Variants in EPHA3 observed in about 807,000 individuals in gnomAD.
EPHA3 encodes the protein EPH receptor A3, also known as ephrin type-A receptor 3.
Under a neutral mutation model 107.1 loss-of-function variants are expected in EPHA3, and 42 were observed. The observed-to-expected ratio is 0.39, with a 90% CI of 0.31 to 0.51. The LOEUF is 0.51. Ranked by LOEUF, EPHA3 falls within the 20% of genes least tolerant of loss-of-function variation. The pLI, the probability that EPHA3 is intolerant of heterozygous loss-of-function variation, is 0.78. For missense variants in EPHA3, 1,183 were observed against 1,211.2 expected (o/e 0.98, Z 0.35); for synonymous variants, 461 against 424.8 (o/e 1.09, Z -1.05).
rs1181226474 is a variant in EPHA3, at chr3:89,357,408, A to T, written c.1306+15318A>T. On this transcript the variant is annotated intron_variant, in intron 5 of 16. Coordinates refer to ENST00000336596, the MANE Select transcript of EPHA3 (RefSeq NM_005233.6). ...ACTGTAATTCCAAGATGAGAATGTC[A>T]GATGACCCCAAAATTAATTGTGCAT... is the stretch of plus-strand genomic sequence containing the variant. Among the ~76,000 whole-genome samples the T allele has an allele frequency of 3.8e-4, 58 of 151,052 alleles. 3 individuals are homozygous for T. The Admixed American group carries it at 3.9e-3, about 10-fold the overall frequency.
At chr3:89,251,142 C>A (rs1482605136) in intron 3 of EPHA3, among the ~76,000 whole-genome samples, 1 of 152,026 alleles carries the variant, frequency 6.6e-6, no homozygotes, top group East Asian at 1.9e-4. Flanking sequence ...GGTTTAATAA[C>A]CAATGTTCTT....
intron 5 of EPHA3, among the ~76,000 whole-genome samples, chr3:89,358,329 A>G (rs1708011251): frequency 6.6e-6 from 1 of 151,066 alleles, no homozygotes; most frequent in Admixed American, 6.6e-5. Flanking sequence ...AACATTTGGA[A>G]CATTTAGCAG....
At chr3:89,316,654 C>T (rs1160911218) in intron 3 of EPHA3, among the ~76,000 whole-genome samples, 1 of 150,534 alleles carries the variant, frequency 6.6e-6, no homozygotes, top group Non-Finnish European at 1.5e-5. Flanking sequence ...TTTAAATATG[C>T]TACAGTTTTC....
At chr3:89,120,528 T>C (rs1707354161) in intron 1 of EPHA3, among the ~76,000 whole-genome samples, 1 of 152,224 alleles carries the variant, frequency 6.6e-6, no homozygotes, top group South Asian at 2.1e-4. Flanking sequence ...CATAATAGTT[T>C]TGATATCAGT....
At chr3:89,127,132 A>G (rs1704112315) in intron 1 of EPHA3, 77 bp from the exon 2 acceptor site, 2 of 1,096,966 alleles carry the variant, frequency 1.8e-6, no homozygotes, top group South Asian at 1.3e-5. Context: ...TCAACAACAG[A>G]CAATGTGAAC....
intron 3 of EPHA3, among the ~76,000 whole-genome samples, chr3:89,301,201 C>G (rs1309222344): frequency 6.6e-6 from 1 of 152,024 alleles, no homozygotes; most frequent in African/African-American, 2.4e-5. Context: ...CATAAAATGT[C>G]TCTCATGGCG....
At chr3:89,286,188 C>T (rs1706079111) in intron 3 of EPHA3, among the ~76,000 whole-genome samples, 2 of 145,744 alleles carry the variant, frequency 1.4e-5, no homozygotes, top group Admixed American at 1.4e-4. Flanking sequence ...TCTATGGGAC[C>T]CTTGGGCTGG....
At chr3:89,211,967 C>A (rs565384897) in intron 3 of EPHA3, among the ~76,000 whole-genome samples, 2 of 151,652 alleles carry the variant, frequency 1.3e-5, no homozygotes, top group Admixed American at 6.6e-5. Flanking sequence ...GACTAAAGAA[C>A]GATTTAAGAA....
chr3:89,230,096 G>A (rs1704594441), intron 3 of EPHA3, among the ~76,000 whole-genome samples: 1 of 151,956 alleles, frequency 6.6e-6, no homozygotes, highest in Non-Finnish European at 1.5e-5. Context: ...ACAGATCTAG[G>A]CTCATCACTT....
At chr3:89,376,471 C>T (rs1301103764) in intron 5 of EPHA3, among the ~76,000 whole-genome samples, 2 of 151,752 alleles carry the variant, frequency 1.3e-5, no homozygotes, top group Non-Finnish European at 2.9e-5. Context: ...ATTTTGCTTT[C>T]CTCAGTTTTC....
intron 1 of EPHA3, among the ~76,000 whole-genome samples, chr3:89,121,308 G>A (rs1013792242): frequency 6.6e-6 from 1 of 152,074 alleles, no homozygotes; most frequent in Non-Finnish European, 1.5e-5. Flanking sequence ...GATAAAAATT[G>A]TATAAATTAA....
chr3:89,342,409 ATGAATCT>A (rs1330766786), intron 5 of EPHA3, among the ~76,000 whole-genome samples: 1 of 152,150 alleles, frequency 6.6e-6, no homozygotes, highest in Admixed American at 6.5e-5. Flanking sequence ...AACTTAGGCA[ATGAATCT>A]TAGCTTTAAA....
chr3:89,162,877 G>A (rs1704981045), intron 2 of EPHA3, among the ~76,000 whole-genome samples: 1 of 152,176 alleles, frequency 6.6e-6, no homozygotes, highest in Admixed American at 6.5e-5. Context: ...TATCTGAAAG[G>A]GTTGAAAGCT....
At chr3:89,428,857 C>T (rs1028800769) in intron 11 of EPHA3, among the ~76,000 whole-genome samples, 2 of 152,030 alleles carry the variant, frequency 1.3e-5, no homozygotes, top group African/African-American at 4.8e-5. Context: ...CTTGAAAGGC[C>T]TGTCAAACCA....
chr3:89,478,880 G>A (rs1710570822), intron 16 of EPHA3, among the ~76,000 whole-genome samples: 1 of 152,212 alleles, frequency 6.6e-6, no homozygotes, highest in East Asian at 1.9e-4. Context: ...GGTGGCAGAA[G>A]TCTGAAATCA....
At chr3:89,446,415 G>A (rs1709877527) in intron 13 of EPHA3, among the ~76,000 whole-genome samples, 1 of 152,022 alleles carries the variant, frequency 6.6e-6, no homozygotes, top group Non-Finnish European at 1.5e-5. Context: ...TCACCTTTCA[G>A]TATATCATTA....
chr3:89,274,748 C>A (rs1051380489), intron 3 of EPHA3, among the ~76,000 whole-genome samples: 1 of 151,746 alleles, frequency 6.6e-6, no homozygotes, highest in Non-Finnish European at 1.5e-5. Context: ...GAATGGACAG[C>A]GATTTAGAAT....
chr3:89,325,266 A>C (rs1330809670), intron 3 of EPHA3, among the ~76,000 whole-genome samples: 2 of 152,144 alleles, frequency 1.3e-5, no homozygotes, highest in Non-Finnish European at 2.9e-5. Flanking sequence ...TCTCAAATAA[A>C]TACATTTCTT....
intron 3 of EPHA3, among the ~76,000 whole-genome samples, chr3:89,225,603 G>T (rs1704484357): frequency 1.3e-5 from 2 of 152,160 alleles, no homozygotes; most frequent in South Asian, 4.1e-4. Flanking sequence ...AAATTGCTAA[G>T]TGAGGAACAC....
Sources: allele counts gnomAD v4.1 joint callset (sites outside exome capture counted in the v4.1 genomes callset), GRCh38; gene constraint gnomAD v4.1.1; transcripts MANE v1.5; gene names NCBI Gene and HGNC (gene_info 2026-07-23, HGNC 2026-07-21).